FAM120A: variants seen among roughly 807,000 people sequenced by gnomAD.
The protein encoded by FAM120A is family with sequence similarity 120 member A.
A neutral mutation model predicts 109.7 loss-of-function variants in FAM120A; 15 were observed. That is an observed-to-expected ratio of 0.14 (90% CI 0.09 to 0.21). The LOEUF is 0.21. Among genes scored for constraint, FAM120A ranks in the 10% least tolerant of loss-of-function variants. FAM120A has a pLI of 1.00. For synonymous variants in FAM120A, 493 were observed against 572.8 expected, an observed-to-expected ratio of 0.86 and a Z score of 1.99; for missense variants, 899 against 1,439.3, an observed-to-expected ratio of 0.62 and a Z score of 6.07.
Position 93,451,834 on chromosome 9 carries a change from A to AGCCC in FAM120A, c.-75_-72dup, listed in dbSNP as rs1291038958. ...CTAGAGGCCGCCGCCCCCGCCCGCCAGCCCGCCCGCGCGCCACGGCCCCAC... is the reference window on the plus strand; with the variant it reads ...CTAGAGGCCGCCGCCCCCGCCCGCCAGCCCGCCCGCCCGCGCGCCACGGCCCCAC... On this transcript the variant is annotated 5_prime_UTR_variant, in exon 1 of 18. Transcript: ENST00000277165. The AGCCC allele has an allele frequency of 2.9e-6, 2 of 687,212 alleles. No individual in the cohort carries two copies. Among genetic ancestry groups the AGCCC allele is most frequent in the African/African-American group, 4.1e-5 (1 of 24,374 alleles). 42.6% of individuals were successfully genotyped at this position (687,212 alleles called of 1,614,324 possible).
chr9:93,562,224 A>G lies in FAM120A; in HGVS notation c.2965A>G (p.Ile989Val). The change falls in exon 17 of 18, where the codon ATT (isoleucine) becomes GTT (valine). Residue 989 changes from isoleucine (I) to valine (V), a missense_variant. Transcript: ENST00000277165. Reference sequence around the variant, plus strand: ...TTCATTTAGGCGTCCAAGAGGAGTTATTTCCACCCCAGTGATTAGAACATT... The same window carrying G: ...TTCATTTAGGCGTCCAAGAGGAGTTGTTTCCACCCCAGTGATTAGAACATT... ...GPARGRPRGV[I>V]STPVIRTFGR... 2 of 1,614,092 alleles carry G rather than the reference A, an allele frequency of 1.2e-6. No homozygotes were observed. Among genetic ancestry groups the G allele is most frequent in the Non-Finnish European group, 1.7e-6 (2 of 1,179,926 alleles).
At chr9:93,491,926 A>G (rs528454078) in intron 3 of FAM120A, among the ~76,000 whole-genome samples, 7 of 152,318 alleles carry the variant, frequency 4.6e-5, no homozygotes, top group African/African-American at 1.7e-4. Flanking sequence ...AGCAGCAGAC[A>G]CTTCACTTGT....
intron 7 of FAM120A, among the ~76,000 whole-genome samples, chr9:93,526,835 T>C (rs1861103732): frequency 6.6e-6 from 1 of 152,256 alleles, no homozygotes; most frequent in Admixed American, 6.5e-5. Flanking sequence ...GCTGTGACGA[T>C]GGAAAGATCC....
Position 93,497,469 on chromosome 9 carries a change from A to G in FAM120A, c.805-2A>G. 6.2e-7 allele frequency: 1 copy of G among 1,612,400 alleles called. No individual in the cohort carries two copies. Among genetic ancestry groups the G allele is most frequent in the South Asian group, 1.1e-5 (1 of 90,724 alleles). On this transcript the variant is annotated splice_acceptor_variant, in intron 3 of 17. Transcript: ENST00000277165. LOFTEE classifies it high-confidence loss of function. ...TGTTGACACTTACGTTTGTTTTCTC[A>G]GGTCCGGGCCCACCAGCTGGTCTTG...
At chr9:93,541,456 G>C (rs1197604341) in intron 10 of FAM120A, among the ~76,000 whole-genome samples, 1 of 152,096 alleles carries the variant, frequency 6.6e-6, no homozygotes, top group South Asian at 2.1e-4. Context: ...TAGATTGTGC[G>C]TCCAACGACA....
At chr9:93,503,943 C>T (rs911743221) in intron 5 of FAM120A, among the ~76,000 whole-genome samples, 7 of 152,102 alleles carry the variant, frequency 4.6e-5, no homozygotes, top group Admixed American at 2.0e-4. Context: ...GAGGAGTTAC[C>T]GTTGCCCCTA....
intron 11 of FAM120A, 24 bp from the exon 12 acceptor site, chr9:93,550,553 C>G: frequency 6.3e-7 from 1 of 1,594,354 alleles, no homozygotes; most frequent in Non-Finnish European, 8.6e-7. Flanking sequence ...TAATCACCAA[C>G]CTTTTGTTTC....
intron 3 of FAM120A, among the ~76,000 whole-genome samples, chr9:93,484,461 G>A (rs1364566307): frequency 6.6e-6 from 1 of 152,164 alleles, no homozygotes; most frequent in Non-Finnish European, 1.5e-5. Context: ...AGTCTGAGTG[G>A]GATCTGAAAG....
chr9:93,488,963 T>G (rs1859191762), intron 3 of FAM120A, among the ~76,000 whole-genome samples: 1 of 150,920 alleles, frequency 6.6e-6, no homozygotes, highest in Admixed American at 6.6e-5. Context: ...AATTTCTCAG[T>G]GACTCTCTTC....
At chr9:93,487,248 G>A (rs765824556) in intron 3 of FAM120A, among the ~76,000 whole-genome samples, 8 of 152,178 alleles carry the variant, frequency 5.3e-5, no homozygotes, top group East Asian at 3.9e-4. Context: ...TGCAACCTCC[G>A]CTTTCTAGGT....
At chr9:93,460,641 T>C (rs1857753388) in intron 1 of FAM120A, among the ~76,000 whole-genome samples, 1 of 152,218 alleles carries the variant, frequency 6.6e-6, no homozygotes, top group Admixed American at 6.5e-5. Context: ...GGCCCTATTT[T>C]TGCTTATTTT....
intron 11 of FAM120A, among the ~76,000 whole-genome samples, chr9:93,545,046 C>T (rs762118295): frequency 6.6e-6 from 1 of 152,140 alleles, no homozygotes; most frequent in Non-Finnish European, 1.5e-5. Flanking sequence ...TTTGATGTTC[C>T]CTTTGTCACC....
intron 11 of FAM120A, among the ~76,000 whole-genome samples, chr9:93,546,953 A>G (rs900891986): frequency 6.6e-6 from 1 of 152,212 alleles, no homozygotes; most frequent in African/African-American, 2.4e-5. Flanking sequence ...TTTTGCTTTT[A>G]CTAGTGATGT....
At chr9:93,499,788 T>C (rs28406634) in intron 5 of FAM120A, among the ~76,000 whole-genome samples, 3,428 of 152,342 alleles carry the variant, frequency 0.023, 129 homozygotes, top group African/African-American at 0.077. Context: ...AAAGAATGAT[T>C]GCATGTTCAA....
intron 7 of FAM120A, among the ~76,000 whole-genome samples, chr9:93,518,466 C>G (rs954958150): frequency 1.3e-5 from 2 of 152,148 alleles, no homozygotes; most frequent in African/African-American, 4.8e-5. Flanking sequence ...TGAATGAGGA[C>G]CCCGGGACCT....
rs141238794 is a variant in FAM120A at position 93,510,106 on chromosome 9, C to T, written c.1031-5561C>T. On this transcript the variant is annotated intron_variant, in intron 5 of 17. Coordinates refer to ENST00000277165, the MANE Select transcript of FAM120A (RefSeq NM_014612.5). ...AGAGCATTACTCCCATTGAGTAGAA[C>T]GGCCACTCATCTTGCCCTTCTGGTC... Among the ~76,000 whole-genome samples the T allele has an allele frequency of 4.4e-3, 675 of 152,270 alleles. 4 individuals are homozygous for T. The highest frequency in any genetic ancestry group is 0.013 in the African/African-American group (520 of 41,548).
At chr9:93,519,083 G>C (rs1308555126) in intron 7 of FAM120A, among the ~76,000 whole-genome samples, 2 of 152,080 alleles carry the variant, frequency 1.3e-5, no homozygotes, top group Non-Finnish European at 2.9e-5. Flanking sequence ...AGAGACCCTG[G>C]TGTTTCTTTG....
At position 93,532,164 on chromosome 9, in the gene FAM120A, A is replaced by C; in HGVS notation, c.1744A>C (p.Lys582Gln). The C allele has an allele frequency of 6.2e-7, 1 of 1,613,820 alleles. No homozygotes were observed. Among genetic ancestry groups the C allele is most frequent in the Non-Finnish European group, 8.5e-7 (1 of 1,179,836 alleles). Residue 582 changes from lysine (K) to glutamine (Q), a missense_variant, in exon 10 of 18, where the codon AAA (lysine) becomes CAA (glutamine). By Grantham distance (53) the Lys-to-Gln change is moderately conservative. This residue lies in a region of FAM120A where 133 missense variants were observed against 276.6 expected (regional missense o/e 0.48). Transcript: ENST00000277165. The surrounding 1 kb of genome is among the most constrained non-coding windows in gnomAD (Gnocchi z 4.3). ...TTTCTTCCATGCAAAGGGTGAAATC[A>C]AAATTGCTGTTTCTATTGAAGATGA... ...IFHVLTKGEI[K>Q]IAVSIEDEAN...
intron 5 of FAM120A, among the ~76,000 whole-genome samples, chr9:93,514,962 C>G (rs1860503205): frequency 6.6e-6 from 1 of 152,238 alleles, no homozygotes; most frequent in Non-Finnish European, 1.5e-5. Flanking sequence ...ATGTGGCTTT[C>G]AGTCCTCTCA....
Sources: gnomAD v4.1 joint callset for allele counts (sites outside exome capture counted in the v4.1 genomes callset) on GRCh38, gnomAD v4.1.1 for gene constraint, gnomAD v4.1.1 regional missense constraint, Gnocchi (gnomAD v3.1) non-coding constraint, MANE v1.5 for transcripts, NCBI Gene and HGNC (gene_info 2026-07-23, HGNC 2026-07-21) for gene names.